The following PTBP3 variants were observed in gnomAD, a reference collection of about 807,000 sequenced individuals.
The protein encoded by PTBP3 is polypyrimidine tract-binding protein 3.
A neutral mutation model predicts 58.7 loss-of-function variants in PTBP3; 20 were observed. That is an observed-to-expected ratio of 0.34 (90% CI 0.24 to 0.50). PTBP3 has a LOEUF of 0.50. Among genes scored for constraint, PTBP3 ranks in the 20% least tolerant of loss-of-function variants. The probability of loss-of-function intolerance (pLI) is 0.98; values close to 1 mark genes in which losing one functional copy is unlikely to be tolerated. For synonymous variants in PTBP3, 185 were observed against 219.8 expected, an observed-to-expected ratio of 0.84 and a Z score of 1.40; for missense variants, 509 against 637.2, an observed-to-expected ratio of 0.80 and a Z score of 2.17.
chr9:112,366,294 T>A, the PTBP3 span, among the ~76,000 whole-genome samples: 5 of 137,318 alleles, frequency 3.6e-5, no homozygotes, highest in South Asian at 4.7e-4. Flanking sequence ...AAAAAAAAAA[T>A]TGCATAAGTA....
rs146677494 is a variant in PTBP3, at chr9:112,260,036, T to C, written c.516+2399A>G. Among the ~76,000 whole-genome samples the C allele has an allele frequency of 4.3e-3, 660 of 152,272 alleles. 9 individuals are homozygous for C. Among genetic ancestry groups the C allele is most frequent in the African/African-American group, 0.014 (582 of 41,560 alleles). On this transcript the variant is annotated intron_variant, in intron 5 of 13. Transcript: ENST00000374257. ...GATTCTCCTGCCTCAGCCTCCAGAA[T>C]AGGTGGAACTACAGATACATGCCAG...
the PTBP3 span, among the ~76,000 whole-genome samples, chr9:112,344,045 T>A: frequency 6.6e-6 from 1 of 152,168 alleles, no homozygotes; most frequent in Admixed American, 6.6e-5. Flanking sequence ...GTATGTTGCT[T>A]CTCTTTTGCT....
At chr9:112,320,428 A>G (rs558860820) in intron 1 of PTBP3, among the ~76,000 whole-genome samples, 18 of 151,134 alleles carry the variant, frequency 1.2e-4, no homozygotes, top group Middle Eastern at 3.4e-3. Context: ...TATCATGAAT[A>G]TATACAATTT....
chr9:112,303,576 A>C (rs1194677008), intron 1 of PTBP3, among the ~76,000 whole-genome samples: 1 of 152,196 alleles, frequency 6.6e-6, no homozygotes, highest in Non-Finnish European at 1.5e-5. Context: ...TTGAAAATAA[A>C]TACTACAGGC....
At position 112,219,262 on chromosome 9, in the gene PTBP3, T is replaced by A. The variant is rs1834725381; in HGVS notation, c.*4589A>T. ...TGGTACTTTCTGGATATGGGATGAA[T>A]TTTTAAAAGATCTGGGAAACAACAG... On this transcript the variant is annotated 3_prime_UTR_variant, in exon 14 of 14. Transcript: ENST00000374257. 1 of 152,560 alleles carries A rather than the reference T, an allele frequency of 6.6e-6. No individual in the cohort carries two copies. The highest frequency in any genetic ancestry group is 2.4e-5 in the African/African-American group (1 of 41,418). 9.5% of individuals were successfully genotyped at this position (152,560 alleles called of 1,614,324 possible).
the PTBP3 span, among the ~76,000 whole-genome samples, chr9:112,375,561 A>T: frequency 4.6e-5 from 7 of 152,180 alleles, no homozygotes; most frequent in African/African-American, 1.7e-4. Context: ...TCAACTGATC[A>T]TGATCATAGG....
intron 1 of PTBP3, among the ~76,000 whole-genome samples, chr9:112,315,888 C>T (rs1829685411): frequency 6.6e-6 from 1 of 152,092 alleles, no homozygotes; most frequent in African/African-American, 2.4e-5. Flanking sequence ...TATTTCCTTC[C>T]TTCTACTTTC....
chr9:112,308,342 C>T (rs1206915913), intron 1 of PTBP3, among the ~76,000 whole-genome samples: 1 of 124,236 alleles, frequency 8.0e-6, no homozygotes, highest in Non-Finnish European at 1.6e-5. Context: ...TAAACCTACT[C>T]CTTTTATTTA....
chr9:112,354,381 C>T, the PTBP3 span, among the ~76,000 whole-genome samples: 1 of 152,188 alleles, frequency 6.6e-6, no homozygotes, highest in Admixed American at 6.5e-5. Context: ...CAGCCTTGAA[C>T]AGGCAAACAA....
chr9:112,303,389 A>G (rs544743534), intron 1 of PTBP3, among the ~76,000 whole-genome samples: 34 of 152,348 alleles, frequency 2.2e-4, no homozygotes, highest in African/African-American at 8.2e-4. Flanking sequence ...TCCTGTATGT[A>G]TAATTATCAA....
At chr9:112,367,056 A>C in the PTBP3 span, among the ~76,000 whole-genome samples, 2 of 152,204 alleles carry the variant, frequency 1.3e-5, no homozygotes, top group Non-Finnish European at 2.9e-5. Context: ...CCTAACATAA[A>C]ATATCTTATC....
chr9:112,258,509 T>C (rs1454525083), intron 5 of PTBP3, among the ~76,000 whole-genome samples: 1 of 152,120 alleles, frequency 6.6e-6, no homozygotes, highest in Non-Finnish European at 1.5e-5. Context: ...CAAATCAAAC[T>C]CCTGATTCCT....
the PTBP3 span, among the ~76,000 whole-genome samples, chr9:112,372,855 T>C: frequency 1.8e-4 from 27 of 152,292 alleles, no homozygotes; most frequent in South Asian, 2.5e-3. Context: ...TTATGAATAA[T>C]GCTGCCGTGA....
chr9:112,255,902 TC>T (rs1836325406), intron 5 of PTBP3, among the ~76,000 whole-genome samples: 1 of 152,092 alleles, frequency 6.6e-6, no homozygotes, highest in South Asian at 2.1e-4. Flanking sequence ...ATTCTCAGCC[TC>T]CCCCAAATCC....
At chr9:112,243,048 A>G (rs1835723341) in intron 7 of PTBP3, among the ~76,000 whole-genome samples, 1 of 151,388 alleles carries the variant, frequency 6.6e-6, no homozygotes, top group Admixed American at 6.6e-5. Context: ...CCTCTCTAAT[A>G]TGCTCCATTA....
chr9:112,218,272 T>G (rs1308381559), downstream of PTBP3: 2 of 152,244 alleles, frequency 1.3e-5, no homozygotes, highest in African/African-American at 4.8e-5. Context: ...TTAATAGATT[T>G]TGTGTTTTTC....
chr9:112,252,446 G>A (rs769062380), intron 6 of PTBP3: 1 of 490,942 alleles, frequency 2.0e-6, no homozygotes, highest in East Asian at 3.9e-5. Context: ...AACAGGACCT[G>A]CGTCTCAGAG....
chr9:112,278,415 T>C (rs1827718167), intron 2 of PTBP3, among the ~76,000 whole-genome samples: 1 of 151,860 alleles, frequency 6.6e-6, no homozygotes. Flanking sequence ...GCATAAGGAG[T>C]TACAGGACTG....
intron 1 of PTBP3, among the ~76,000 whole-genome samples, chr9:112,315,531 G>A (rs1829667265): frequency 6.6e-6 from 1 of 152,126 alleles, no homozygotes; most frequent in South Asian, 2.1e-4. Context: ...CCCAGTTCAA[G>A]GCTGTAGTGA....
Sources: allele counts gnomAD v4.1 joint callset (sites outside exome capture counted in the v4.1 genomes callset), GRCh38; gene constraint gnomAD v4.1.1; transcripts MANE v1.5; gene names NCBI Gene and HGNC (gene_info 2026-07-23, HGNC 2026-07-21).